Variants in MBD5 observed in about 807,000 individuals in gnomAD.
The protein encoded by MBD5 is methyl-CpG binding domain protein 5, also known as methyl-CpG-binding domain protein 5.
MBD5 carries 13 observed loss-of-function variants against 117.3 expected under a neutral mutation model. That is an observed-to-expected ratio of 0.11 (90% CI 0.07 to 0.18). The LOEUF (loss-of-function observed/expected upper bound fraction) is 0.18, where lower values mean the gene tolerates loss of function less well. Ranked by LOEUF, MBD5 falls within the 10% of genes least tolerant of loss-of-function variation. The probability of loss-of-function intolerance (pLI) is 1.00; values close to 1 mark genes in which losing one functional copy is unlikely to be tolerated. For synonymous variants in MBD5, 727 were observed against 766.4 expected, an observed-to-expected ratio of 0.95 and a Z score of 0.85; for missense variants, 1,879 against 2,093.8, an observed-to-expected ratio of 0.90 and a Z score of 2.00.
chr2:148,163,269 G>A (rs889865125), intron 1 of MBD5, among the ~76,000 whole-genome samples: 1 of 152,108 alleles, frequency 6.6e-6, no homozygotes. Context: ...GCCTAAGCCT[G>A]GACTTTAGGC....
chr2:148,479,167 G>C lies in MBD5; in HGVS notation c.2519-3943G>C, dbSNP rs560543591. Among the ~76,000 whole-genome samples the C allele has an allele frequency of 9.9e-5, 15 of 152,258 alleles. No individual in the cohort carries two copies. The East Asian group carries it at 2.5e-3, about 26-fold the overall frequency. ...TGTAAGCATGAATGAGTAACTTTAA[G>C]AACTCAGAGTAATTTGGGATAGACC... On this transcript the variant is annotated intron_variant, in intron 8 of 13. Coordinates refer to ENST00000642680, the MANE Select transcript of MBD5 (RefSeq NM_001378120.1).
chr2:148,429,836 G>C (rs1257004043), intron 4 of MBD5, among the ~76,000 whole-genome samples: 1 of 152,024 alleles, frequency 6.6e-6, no homozygotes, highest in African/African-American at 2.4e-5. Flanking sequence ...TCACACACTG[G>C]GGCCTGTCAT....
At chr2:148,160,911 AC>A in intron 1 of MBD5, among the ~76,000 whole-genome samples, 1 of 152,266 alleles carries the variant, frequency 6.6e-6, no homozygotes, top group East Asian at 1.9e-4. Flanking sequence ...TTCTTAAAAC[AC>A]CCAAGAGTAC....
At chr2:148,313,651 G>A (rs1702089275) in intron 3 of MBD5, among the ~76,000 whole-genome samples, 1 of 152,174 alleles carries the variant, frequency 6.6e-6, no homozygotes, top group Admixed American at 6.5e-5. Flanking sequence ...GGAGTGAACG[G>A]TTCTGTCTCA....
intron 1 of MBD5, among the ~76,000 whole-genome samples, chr2:148,144,544 T>A (rs987881768): frequency 9.2e-5 from 14 of 152,190 alleles, no homozygotes; most frequent in African/African-American, 3.4e-4. Flanking sequence ...CTGAATGGTA[T>A]TGCCTAGGTT....
intron 1 of MBD5, among the ~76,000 whole-genome samples, chr2:148,073,165 C>G (rs995224853): frequency 1.3e-5 from 2 of 152,052 alleles, no homozygotes; most frequent in African/African-American, 4.8e-5. Flanking sequence ...TTTTCTATTA[C>G]TGTATGCCAA....
At chr2:148,022,400 G>C (rs1378011035) in intron 1 of MBD5, among the ~76,000 whole-genome samples, 1 of 152,090 alleles carries the variant, frequency 6.6e-6, no homozygotes, top group Non-Finnish European at 1.5e-5. Context: ...GCTCTAAAAT[G>C]CTTAAAGTTT....
intron 4 of MBD5, among the ~76,000 whole-genome samples, chr2:148,361,913 G>A (rs1026487250): frequency 6.6e-6 from 1 of 152,232 alleles, no homozygotes; most frequent in Non-Finnish European, 1.5e-5. Flanking sequence ...CTAGCCAAGG[G>A]AAGACAGGAG....
At chr2:148,179,763 A>T (rs1698477399) in intron 2 of MBD5, among the ~76,000 whole-genome samples, 1 of 152,214 alleles carries the variant, frequency 6.6e-6, no homozygotes. Context: ...CAATATTTTA[A>T]TGTTCCTTGC....
chr2:148,085,898 T>C (rs1450446493), intron 1 of MBD5, among the ~76,000 whole-genome samples: 1 of 152,206 alleles, frequency 6.6e-6, no homozygotes, highest in Non-Finnish European at 1.5e-5. Context: ...TCTACTGTTT[T>C]ATTTATAAGA....
intron 2 of MBD5, among the ~76,000 whole-genome samples, chr2:148,210,823 T>G (rs1699405207): frequency 6.6e-6 from 1 of 152,152 alleles, no homozygotes; most frequent in Non-Finnish European, 1.5e-5. Flanking sequence ...CATATATACT[T>G]TTTTCACTTC....
intron 1 of MBD5, among the ~76,000 whole-genome samples, chr2:148,040,226 C>A (rs1295126076): frequency 6.6e-6 from 1 of 152,022 alleles, no homozygotes; most frequent in Non-Finnish European, 1.5e-5. Flanking sequence ...ATAAGCTAGA[C>A]ATGGTGGCAC....
chr2:148,491,297 C>CT lies in MBD5; in HGVS notation c.4962+720dup, dbSNP rs543680655. Among the ~76,000 whole-genome samples, 1,192 of 128,452 alleles carry CT rather than the reference C, an allele frequency of 9.3e-3. 12 individuals carry two copies. Among genetic ancestry groups the CT allele is most frequent in the African/African-American group, 0.022 (790 of 35,322 alleles). 84.3% of individuals were successfully genotyped at this position (128,452 alleles called of 152,430 possible). ...AGAAATTAGTAGGGGTCTTCTGGGC[C>CT]TTTTTTTTTTTTTTTTTCGGCCTTT... On this transcript the variant is annotated intron_variant, in intron 11 of 13. Transcript: ENST00000642680.
chr2:148,211,815 G>A (rs889563469), intron 2 of MBD5, among the ~76,000 whole-genome samples: 1 of 152,124 alleles, frequency 6.6e-6, no homozygotes, highest in Non-Finnish European at 1.5e-5. Flanking sequence ...GTGTAATCAT[G>A]GATCAGTGCA....
chr2:148,431,320 C>T (rs1321739596), intron 4 of MBD5, among the ~76,000 whole-genome samples: 1 of 152,096 alleles, frequency 6.6e-6, no homozygotes, highest in African/African-American at 2.4e-5. Context: ...TCTCATACCA[C>T]TTTGGAAACA....
Position 148,470,437 on chromosome 2 carries a change from T to C in MBD5, c.2494T>C (p.Tyr832His). The C allele has an allele frequency of 6.2e-7, 1 of 1,605,774 alleles. No homozygotes were observed. The highest frequency in any genetic ancestry group is 8.5e-7 in the Non-Finnish European group (1 of 1,175,178). ...PVIPNSIVSS[Y>H]NQTSSEAGGS... Reference sequence around the variant, plus strand: ...GATACCAAACAGCATTGTTAGCAGCTATAATCAAACAAGTTCTGAAGCAGG... The same window carrying C: ...GATACCAAACAGCATTGTTAGCAGCCATAATCAAACAAGTTCTGAAGCAGG... The change falls in exon 8 of 14, where the codon TAT becomes CAT. Residue 832 changes from tyrosine (Y) to histidine (H), a missense_variant. By Grantham distance (83) the Tyr-to-His change is moderately conservative (BLOSUM62 2). Transcript: ENST00000642680.
chr2:148,436,283 C>A (rs1706155276), intron 4 of MBD5, among the ~76,000 whole-genome samples: 1 of 152,134 alleles, frequency 6.6e-6, no homozygotes, highest in Non-Finnish European at 1.5e-5. Flanking sequence ...TGTCTAATCT[C>A]AGTAAAAGTG....
intron 3 of MBD5, among the ~76,000 whole-genome samples, chr2:148,300,247 G>T (rs1169627346): frequency 2.0e-5 from 3 of 152,008 alleles, no homozygotes; most frequent in African/African-American, 7.2e-5. Flanking sequence ...GTAGAGACAG[G>T]GTTTCATCAT....
At chr2:148,231,188 T>C (rs974670214) in intron 2 of MBD5, among the ~76,000 whole-genome samples, 3 of 152,204 alleles carry the variant, frequency 2.0e-5, no homozygotes, top group Admixed American at 1.3e-4. Flanking sequence ...CAGAACACTT[T>C]AGCCTGCACT....
Sources: gnomAD v4.1 joint callset for allele counts (sites outside exome capture counted in the v4.1 genomes callset) on GRCh38, gnomAD v4.1.1 for gene constraint, MANE v1.5 for transcripts, NCBI Gene and HGNC (gene_info 2026-07-23, HGNC 2026-07-21) for gene names.